Variants in GGT7 observed in about 807,000 individuals in gnomAD.
GGT7 encodes gamma-glutamyltransferase 7.
GGT7 carries 30 observed loss-of-function variants against 69.2 expected under a neutral mutation model. The ratio of observed to expected loss-of-function variants is 0.43; its 90% CI spans 0.32 to 0.59. The LOEUF is 0.59. Among genes scored for constraint, GGT7 ranks in the 20% least tolerant of loss-of-function variants. GGT7 has a pLI of 0.05. For missense variants in GGT7, 733 were observed against 901.1 expected (o/e 0.81, Z 2.39); for synonymous variants, 388 against 391.8 (o/e 0.99, Z 0.12).
At chr20:34,870,465 AGAGAT>A (rs1246373342) in intron 1 of GGT7, among the ~76,000 whole-genome samples, 2 of 152,174 alleles carry the variant, frequency 1.3e-5, no homozygotes, top group African/African-American at 4.8e-5. Context: ...ATAAATAAAT[AGAGAT>A]GAGGGTTTTT....
chr20:34,871,202 G>C (rs1290150351), intron 1 of GGT7, among the ~76,000 whole-genome samples: 1 of 152,180 alleles, frequency 6.6e-6, no homozygotes, highest in East Asian at 1.9e-4. Flanking sequence ...TAAATGCTAA[G>C]ACATTTACAG....
intron 14 of GGT7, among the ~76,000 whole-genome samples, chr20:34,848,904 G>T (rs2079341903): frequency 6.6e-6 from 1 of 152,140 alleles, no homozygotes; most frequent in Non-Finnish European, 1.5e-5. Context: ...CTCCTCAAAG[G>T]TGCAGATACT....
In GGT7 at chr20:34,845,079, C is replaced by G. The variant is rs2079277899; in HGVS notation, c.*249G>C. On this transcript the variant is annotated 3_prime_UTR_variant, in exon 15 of 15. Coordinates refer to ENST00000336431, the MANE Select transcript of GGT7 (RefSeq NM_178026.3). The stretch of plus-strand genomic sequence containing the variant: ...ACAGATAGTCTGATTCCTCAAGGTC[C>G]TGCCTGCCTGGCTGTACTGTAGATG... 5.6e-6 allele frequency: 3 copies of G among 537,662 alleles called. No individual in the cohort carries two copies. Among genetic ancestry groups the G allele is most frequent in the Non-Finnish European group, 1.0e-5 (3 of 301,266 alleles). 33.3% of individuals were successfully genotyped at this position (537,662 alleles called of 1,614,324 possible).
rs2079561895 is a variant in GGT7, at chr20:34,859,986, T to C, written c.800A>G (p.Asn267Ser). The change falls in exon 6 of 15, where the codon AAC becomes AGC. Residue 267 changes from asparagine to serine, a missense_variant. Transcript: ENST00000336431. ...FAAAVAQDGF[N>S]VTHDLARALA... Reference sequence around the variant, plus strand: ...CCACTGACCTAGATCATGAGTCACGTTGAAGCCATCTTGGGCCACAGCTGC... The same window carrying C: ...CCACTGACCTAGATCATGAGTCACGCTGAAGCCATCTTGGGCCACAGCTGC... 6.4e-7 allele frequency: 1 copy of C among 1,565,040 alleles called. No homozygotes were observed. The highest frequency in any genetic ancestry group is 1.4e-5 in the African/African-American group (1 of 73,670).
At position 34,845,127 on chromosome 20, in the gene GGT7, C is replaced by A; in HGVS notation, c.*201G>T. On this transcript the variant is annotated 3_prime_UTR_variant, in exon 15 of 15. Coordinates refer to ENST00000336431, the MANE Select transcript of GGT7 (RefSeq NM_178026.3). Reference sequence around the variant, plus strand: ...ATGCTGACACTCACCACCACCACCACCACCACCACCACCACCACCACCACC... The same window carrying A: ...ATGCTGACACTCACCACCACCACCAACACCACCACCACCACCACCACCACC... 1 of 438,498 alleles carries A rather than the reference C, an allele frequency of 2.3e-6. No homozygotes were observed. 27.2% of individuals were successfully genotyped at this position (438,498 alleles called of 1,614,324 possible). A position where few individuals can be genotyped will look rare whatever the true frequency, so the allele number is the denominator to read the frequency against.
intron 14 of GGT7, among the ~76,000 whole-genome samples, chr20:34,848,019 G>C (rs1044091822): frequency 6.6e-6 from 1 of 152,220 alleles, no homozygotes; most frequent in African/African-American, 2.4e-5. Context: ...CTTGAACCCA[G>C]GAGGTGGAGG....
Position 34,846,360 on chromosome 20 carries a change from A to G in GGT7, c.1826-869T>C, listed in dbSNP as rs2079307529. On this transcript the variant is annotated intron_variant, in intron 14 of 14. Coordinates refer to ENST00000336431, the MANE Select transcript of GGT7 (RefSeq NM_178026.3). ...CTCTTGTTGCCCAGGCTGGAGTGCA[A>G]TGGCACGATTTTGGCTCACCTCAAC... Among the ~76,000 whole-genome samples, 4 of 146,450 alleles carry G rather than the reference A, an allele frequency of 2.7e-5. No homozygotes were observed. In the Admixed American group the frequency reaches 2.8e-4, roughly 10 times the overall value.
At chr20:34,854,212 C>T (rs1435227576) in intron 10 of GGT7, among the ~76,000 whole-genome samples, 1 of 152,252 alleles carries the variant, frequency 6.6e-6, no homozygotes, top group African/African-American at 2.4e-5. Flanking sequence ...ACTGGGATTA[C>T]AGGCGTGAGC....
At chr20:34,865,396 C>T (rs979284206) in intron 1 of GGT7, among the ~76,000 whole-genome samples, 3 of 151,324 alleles carry the variant, frequency 2.0e-5, no homozygotes, top group Non-Finnish European at 1.5e-5. Flanking sequence ...CGCCATGTTG[C>T]CCAGGCTGGT....
chr20:34,861,481 G>C lies in GGT7; in HGVS notation c.639C>G (p.Leu213=), dbSNP rs2079594998. The C allele has an allele frequency of 1.3e-6, 2 of 1,556,474 alleles. No homozygotes were observed. Among genetic ancestry groups the C allele is most frequent in the Non-Finnish European group, 1.8e-6 (2 of 1,141,750 alleles). Residue 213 remains leucine, a synonymous_variant, in exon 4 of 15, where the codon CTC becomes CTG. Coordinates refer to ENST00000336431, the MANE Select transcript of GGT7 (RefSeq NM_178026.3). Reference sequence around the variant, plus strand: ...AGGATCTTTGCAGGGTCTCTTCCCTGAGGGCCCCTGGTGCGGACTCCCGGA... The same window carrying C: ...AGGATCTTTGCAGGGTCTCTTCCCTCAGGGCCCCTGGTGCGGACTCCCGGA... ...IDFRESAPGA[L]REETLQRSWE...
At chr20:34,860,994 G>T (rs2079584703) in intron 4 of GGT7, among the ~76,000 whole-genome samples, 1 of 152,072 alleles carries the variant, frequency 6.6e-6, no homozygotes, top group African/African-American at 2.4e-5. Context: ...AAGACTCAGG[G>T]GTGTGTTTGG....
In GGT7 at chr20:34,845,128, CA is replaced by C; in HGVS notation, c.*199del. The C allele has an allele frequency of 1.3e-5, 6 of 450,234 alleles. No homozygotes were observed. Among genetic ancestry groups the C allele is most frequent in the Non-Finnish European group, 2.5e-5 (6 of 243,474 alleles). 27.9% of individuals were successfully genotyped at this position (450,234 alleles called of 1,614,324 possible). A position where few individuals can be genotyped will look rare whatever the true frequency, so the allele number is the denominator to read the frequency against. ...TGCTGACACTCACCACCACCACCAC[CA>C]CCACCACCACCACCACCACCACCAC... On this transcript the variant is annotated 3_prime_UTR_variant, in exon 15 of 15. Coordinates refer to ENST00000336431, the MANE Select transcript of GGT7 (RefSeq NM_178026.3).
At chr20:34,860,222 G>A (rs749322972) in intron 5 of GGT7, 32 bp downstream of exon 5, 5 of 1,512,028 alleles carry the variant, frequency 3.3e-6, no homozygotes, top group Non-Finnish European at 4.6e-6. Context: ...ATGCAAACGG[G>A]GGTCCCTGGT....
rs756392612 is a variant in GGT7, at chr20:34,854,837, T to C, written c.1189A>G (p.Ser397Gly). 1 of 1,614,172 alleles carries C rather than the reference T, an allele frequency of 6.2e-7. No homozygotes were observed. The highest frequency in any genetic ancestry group is 1.1e-5 in the South Asian group (1 of 91,084). ...LNILEGFNLT[S>G]LVSREQALHW... ...AGAGCCTGTTCTCGGGATACCAGGC[T>C]GGTGAGATTGAAGCCCTCCAGGATG... Residue 397 changes from serine (S) to glycine (G), a missense_variant, in exon 9 of 15, where the codon AGC becomes GGC. Ser to Gly is a moderately conservative substitution (Grantham distance 56, BLOSUM62 0). Coordinates refer to ENST00000336431, the MANE Select transcript of GGT7 (RefSeq NM_178026.3).
chr20:34,854,962 C>A, intron 8 of GGT7, 39 bp from the exon 9 acceptor site: 1 of 1,604,620 alleles, frequency 6.2e-7, no homozygotes, highest in South Asian at 1.1e-5. Flanking sequence ...GGGTAGGGGT[C>A]AAGGCACCTT....
intron 4 of GGT7, among the ~76,000 whole-genome samples, chr20:34,860,681 G>A (rs1185291637): frequency 7.4e-6 from 1 of 135,526 alleles, no homozygotes; most frequent in Non-Finnish European, 1.5e-5. Flanking sequence ...CCAGGCTGGA[G>A]TACAGTGGCA....
chr20:34,867,964 G>A (rs920455504), intron 1 of GGT7, among the ~76,000 whole-genome samples: 2 of 152,188 alleles, frequency 1.3e-5, no homozygotes, highest in Non-Finnish European at 2.9e-5. Flanking sequence ...TTGGGTTCAA[G>A]CATTTCTCAT....
Position 34,862,970 on chromosome 20 carries a change from G to T in GGT7, c.406-5C>A. ...CACGGCACCCTGCTGGAAGATCTGG[G>T]AGGGGAAAGAGGACTTGGTGGGGGC... On this transcript the variant is annotated splice_region_variant and splice_polypyrimidine_tract_variant and intron_variant, in intron 2 of 14. Transcript: ENST00000336431. 6.2e-7 allele frequency: 1 copy of T among 1,610,182 alleles called. No individual in the cohort carries two copies.
intron 11 of GGT7, 55 bp from the exon 12 acceptor site, chr20:34,852,327 C>G (rs1228962253): frequency 6.2e-7 from 1 of 1,603,894 alleles, no homozygotes; most frequent in African/African-American, 1.3e-5. Flanking sequence ...CTCTACCCAG[C>G]CCCCACCCCC....
Sources: gnomAD v4.1 joint callset for allele counts (sites outside exome capture counted in the v4.1 genomes callset) on GRCh38, gnomAD v4.1.1 for gene constraint, MANE v1.5 for transcripts, NCBI Gene and HGNC (gene_info 2026-07-23, HGNC 2026-07-21) for gene names.